Variants in DNAJB6 observed in about 807,000 individuals in gnomAD.
The protein encoded by DNAJB6 is dnaJ homolog subfamily B member 6.
In DNAJB6, 16 loss-of-function variants were observed where a neutral mutation model predicts 42.7. The observed-to-expected ratio is 0.37, with a 90% CI of 0.25 to 0.57. The LOEUF is 0.57. Ranked by LOEUF, DNAJB6 falls within the 20% of genes least tolerant of loss-of-function variation. The probability of loss-of-function intolerance (pLI) is 0.74; values close to 1 mark genes in which losing one functional copy is unlikely to be tolerated. For missense variants in DNAJB6, 347 were observed against 416.8 expected (o/e 0.83, Z 1.46); for synonymous variants, 170 against 163.5 (o/e 1.04, Z -0.30).
chr7:157,353,116 CAG>C (rs1346927861), intron 1 of DNAJB6, among the ~76,000 whole-genome samples: 3 of 149,922 alleles, frequency 2.0e-5, no homozygotes, highest in African/African-American at 4.9e-5. Flanking sequence ...TTCGTAGAGA[CAG>C]GGTTTCGCCG....
intron 8 of DNAJB6, among the ~76,000 whole-genome samples, chr7:157,408,280 A>T (rs1055140932): frequency 6.6e-6 from 1 of 152,158 alleles, no homozygotes; most frequent in East Asian, 1.9e-4. Flanking sequence ...GTGCTTGGTT[A>T]AATGGTCCCC....
At chr7:157,395,393 G>A (rs1022340159) in intron 8 of DNAJB6, among the ~76,000 whole-genome samples, 2 of 152,216 alleles carry the variant, frequency 1.3e-5, no homozygotes, top group African/African-American at 4.8e-5. Context: ...AATTGCATGG[G>A]CAGCTTCTCT....
At chr7:157,375,311 T>G (rs1321229338) in intron 5 of DNAJB6, among the ~76,000 whole-genome samples, 1 of 152,210 alleles carries the variant, frequency 6.6e-6, no homozygotes, top group Admixed American at 6.5e-5. Flanking sequence ...GGACTGTGGT[T>G]GGGAAGAGGC....
chr7:157,384,747 A>T, intron 6 of DNAJB6, 120 bp from the exon 7 acceptor site: 2 of 983,844 alleles, frequency 2.0e-6, no homozygotes, highest in Non-Finnish European at 3.0e-6. Flanking sequence ...TGCGTCGTTT[A>T]TTACTCCTCG....
At position 157,409,817 on chromosome 7, in the gene DNAJB6, C is replaced by A. The variant is rs1304396879; in HGVS notation, c.714C>A (p.Leu238=). The change falls in exon 9 of 10, where the codon CTC becomes CTA. Residue 238 remains leucine, a synonymous_variant. Transcript: ENST00000262177. ...CAGGTGTGGCCGACGACGATGCCCT[C>A]GCTGAGGAGCGCATGCGGAGAGGCC... is the stretch of plus-strand genomic sequence containing the variant. The part of the protein sequence containing the change: ...TINGVADDDA[L]AEERMRRGQN... 5 of 1,531,660 alleles carry A rather than the reference C, an allele frequency of 3.3e-6. No individual in the cohort carries two copies. In the South Asian group the frequency reaches 3.6e-5, roughly 11 times the overall value. The allele number at this position is 1,531,660 out of a possible 1,614,324, so 94.9% of individuals were successfully genotyped here. A position where few individuals can be genotyped will look rare whatever the true frequency, so the allele number is the denominator to read the frequency against.
chr7:157,400,092 A>ACTAAT (rs1449976405), intron 8 of DNAJB6, among the ~76,000 whole-genome samples: 24 of 152,376 alleles, frequency 1.6e-4, no homozygotes, highest in African/African-American at 5.5e-4. Context: ...AAGCCAAAAC[A>ACTAAT]TGAAGTAGAT....
chr7:157,372,169 G>A (rs1430533871), intron 5 of DNAJB6: 2 of 152,800 alleles, frequency 1.3e-5, no homozygotes, highest in Non-Finnish European at 2.9e-5. Flanking sequence ...TGGCCGGTGA[G>A]GACTTGGAGC....
At chr7:157,398,375 C>CA (rs1243332800) in intron 8 of DNAJB6, among the ~76,000 whole-genome samples, 4 of 152,166 alleles carry the variant, frequency 2.6e-5, no homozygotes, top group Admixed American at 2.6e-4. Flanking sequence ...CCTCTCTCCC[C>CA]AAAAAAAGTC....
intron 8 of DNAJB6, among the ~76,000 whole-genome samples, chr7:157,407,331 TCA>T (rs1474159384): frequency 1.3e-5 from 2 of 152,230 alleles, no homozygotes; most frequent in Non-Finnish European, 2.9e-5. Flanking sequence ...GTGACAGAGC[TCA>T]CGCTGCATCG....
chr7:157,383,598 CCTGTATGT>C, intron 6 of DNAJB6, among the ~76,000 whole-genome samples: 1 of 123,652 alleles, frequency 8.1e-6, no homozygotes, highest in African/African-American at 3.3e-5. Flanking sequence ...ATCAGTGGCT[CCTGTATGT>C]GTGTTTGTGT....
rs552982719 is a variant in DNAJB6, at chr7:157,409,318, C to T, written c.692-477C>T. Among the ~76,000 whole-genome samples the T allele has an allele frequency of 9.2e-5, 14 of 152,274 alleles. No homozygotes were observed. In the East Asian group the frequency reaches 1.5e-3, roughly 17 times the overall value. On this transcript the variant is annotated intron_variant, in intron 8 of 9. Coordinates refer to ENST00000262177, the MANE Select transcript of DNAJB6 (RefSeq NM_058246.4). ...CTGCCTTGGGCGGGGCTGTGGCTCC[C>T]GTGGGCGCCGCCGCTGCTGCCACAG... is the stretch of plus-strand genomic sequence containing the variant.
At chr7:157,378,239 C>G (rs951329646) in intron 5 of DNAJB6, 5 of 152,166 alleles carry the variant, frequency 3.3e-5, no homozygotes, top group African/African-American at 1.2e-4. Flanking sequence ...GTGGTTCTTT[C>G]TGGTGAGGTA....
At chr7:157,373,213 CT>C (rs965864941) in intron 5 of DNAJB6, among the ~76,000 whole-genome samples, 16 of 152,162 alleles carry the variant, frequency 1.1e-4, no homozygotes, top group African/African-American at 3.6e-4. Flanking sequence ...CTAATTTAAT[CT>C]TTTTTGGGGA....
intron 9 of DNAJB6, chr7:157,412,818 G>C (rs1796015203): frequency 6.6e-6 from 1 of 152,276 alleles, no homozygotes; most frequent in African/African-American, 2.4e-5. Flanking sequence ...CACTCACAGG[G>C]TCACAGCCAG....
chr7:157,357,792 G>T (rs1799384539), intron 1 of DNAJB6, among the ~76,000 whole-genome samples: 1 of 152,152 alleles, frequency 6.6e-6, no homozygotes, highest in African/African-American at 2.4e-5. Context: ...ACATTTTACT[G>T]CCCGGGGAAG....
At chr7:157,407,867 C>T (rs1795828621) in intron 8 of DNAJB6, among the ~76,000 whole-genome samples, 1 of 152,194 alleles carries the variant, frequency 6.6e-6, no homozygotes, top group Non-Finnish European at 1.5e-5. Context: ...GTCCCTGTCC[C>T]AGAGCCCTCC....
intron 5 of DNAJB6, among the ~76,000 whole-genome samples, chr7:157,369,726 TC>T (rs1800040992): frequency 6.2e-5 from 9 of 145,328 alleles, no homozygotes; most frequent in African/African-American, 1.8e-4. Context: ...GGCCCCTTCT[TC>T]ACATTATTAT....
intron 1 of DNAJB6, among the ~76,000 whole-genome samples, chr7:157,344,145 C>G (rs1003595277): frequency 6.6e-6 from 1 of 152,136 alleles, no homozygotes; most frequent in Admixed American, 6.6e-5. Context: ...TTGAGACCAT[C>G]CTGGCTAGCA....
chr7:157,397,876 C>T (rs956577072), intron 8 of DNAJB6, among the ~76,000 whole-genome samples: 1 of 152,242 alleles, frequency 6.6e-6, no homozygotes, highest in African/African-American at 2.4e-5. Flanking sequence ...GGAGTCTGGG[C>T]GTGGTGGCCC....
Sources: gnomAD v4.1 joint callset for allele counts (sites outside exome capture counted in the v4.1 genomes callset) on GRCh38, gnomAD v4.1.1 for gene constraint, MANE v1.5 for transcripts, NCBI Gene and HGNC (gene_info 2026-07-23, HGNC 2026-07-21) for gene names.